ZNF608: variants seen among roughly 807,000 people sequenced by gnomAD.
ZNF608 encodes renal carcinoma antigen NY-REN-36.
Under a neutral mutation model 109.0 loss-of-function variants are expected in ZNF608, and 12 were observed. The observed-to-expected ratio is 0.11, with a 90% CI of 0.07 to 0.18. The LOEUF is 0.18. Among genes scored for constraint, ZNF608 ranks in the 10% least tolerant of loss-of-function variants. The probability of loss-of-function intolerance (pLI) is 1.00; values close to 1 mark genes in which losing one functional copy is unlikely to be tolerated. For missense variants in ZNF608, 1,707 were observed against 1,879.3 expected (o/e 0.91, Z 1.70); for synonymous variants, 732 against 717.4 (o/e 1.02, Z -0.33).
chr5:124,669,333 G>A (rs1751618616), intron 3 of ZNF608, among the ~76,000 whole-genome samples: 1 of 152,090 alleles, frequency 6.6e-6, no homozygotes, highest in African/African-American at 2.4e-5. Context: ...CTGAAAGGTG[G>A]GGGGCTGCAT....
Position 124,745,082 on chromosome 5 carries a change from G to GAA in ZNF608, c.-95_-94dup. 7.0e-7 allele frequency: 1 copy of GAA among 1,428,486 alleles called. No individual in the cohort carries two copies. The highest frequency in any genetic ancestry group is 9.2e-7 in the Non-Finnish European group (1 of 1,090,592). 88.5% of individuals were successfully genotyped at this position (1,428,486 alleles called of 1,614,324 possible). A position where few individuals can be genotyped will look rare whatever the true frequency, so the allele number is the denominator to read the frequency against. ...TATCTCCGCTGGGCTTTCTCTCAAA[G>GAA]AAAAAAAAAATCTTCTAATCTTCCT... On this transcript the variant is annotated 5_prime_UTR_variant, in exon 2 of 10. Coordinates refer to ENST00000513986, the MANE Select transcript of ZNF608 (RefSeq NM_020747.3).
chr5:124,662,814 C>A (rs6898612), intron 3 of ZNF608, among the ~76,000 whole-genome samples: 19,353 of 151,228 alleles, frequency 0.13, 2,216 homozygotes, highest in African/African-American at 0.31. Flanking sequence ...GACACACAGA[C>A]ACACACACAC....
intron 2 of ZNF608, among the ~76,000 whole-genome samples, chr5:124,735,452 C>T (rs907868271): frequency 3.3e-5 from 5 of 152,208 alleles, no homozygotes; most frequent in East Asian, 3.8e-4. Context: ...GCCCAGGGCC[C>T]TCCATCTGCT....
At chr5:124,642,689 TG>T (rs1750297636) in intron 7 of ZNF608, among the ~76,000 whole-genome samples, 1 of 149,620 alleles carries the variant, frequency 6.7e-6, no homozygotes, top group Non-Finnish European at 1.5e-5. Context: ...GATTTTCTAT[TG>T]TCTTTTTTTT....
At chr5:124,649,231 G>A in intron 4 of ZNF608, 98 bp from the exon 5 acceptor site, 1 of 988,532 alleles carries the variant, frequency 1.0e-6, no homozygotes, top group Non-Finnish European at 1.4e-6. Context: ...CAACACTCCA[G>A]TAGCTTCAGG....
Position 124,647,503 on chromosome 5 carries a change from T to C in ZNF608, c.2881A>G (p.Lys961Glu). 6.2e-7 allele frequency: 1 copy of C among 1,614,224 alleles called. No homozygotes were observed. The highest frequency in any genetic ancestry group is 8.5e-7 in the Non-Finnish European group (1 of 1,180,036). ...ATAATATCTGATGGGGAACTGGCCT[T>C]TGATCTCATACCCTCCGACCTGCTG... ...SDSRSEGMRS[K>E]ASSPSDIISS... Residue 961 changes from lysine to glutamate, a missense_variant, in exon 5 of 10, where the codon AAG becomes GAG. Around this residue, in one of 7 missense-constraint regions of ZNF608, gnomAD observed 1,073 missense variants for 1,133.5 expected, o/e 0.95. Coordinates refer to ENST00000513986, the MANE Select transcript of ZNF608 (RefSeq NM_020747.3).
At position 124,660,596 on chromosome 5, in the gene ZNF608, A is replaced by C. The variant is rs555997710; in HGVS notation, c.1163-10899T>G. ...AGCACCTGAAAGCATGTCTCTGGAG[A>C]CAGAGGCAGACTCACCTGTTCACAA... On this transcript the variant is annotated intron_variant, in intron 3 of 9. Coordinates refer to ENST00000513986, the MANE Select transcript of ZNF608 (RefSeq NM_020747.3). Among the ~76,000 whole-genome samples, 16 of 152,338 alleles carry C rather than the reference A, an allele frequency of 1.1e-4. No individual in the cohort carries two copies. The East Asian group carries it at 3.1e-3, about 29-fold the overall frequency.
At chr5:124,732,634 G>C (rs576227361) in intron 2 of ZNF608, among the ~76,000 whole-genome samples, 1 of 151,788 alleles carries the variant, frequency 6.6e-6, no homozygotes, top group Non-Finnish European at 1.5e-5. Context: ...CACTGCTGTT[G>C]CTGGAGAGTC....
chr5:124,652,091 A>G (rs1172439622), intron 3 of ZNF608, among the ~76,000 whole-genome samples: 2 of 152,262 alleles, frequency 1.3e-5, no homozygotes, highest in African/African-American at 4.8e-5. Context: ...TGGAGTCTGA[A>G]AAAAGGAAGG....
chr5:124,726,788 C>T (rs1748627743), intron 2 of ZNF608, among the ~76,000 whole-genome samples: 1 of 152,248 alleles, frequency 6.6e-6, no homozygotes, highest in East Asian at 1.9e-4. Flanking sequence ...CTGGCCTCTG[C>T]CCAACTCCGA....
At chr5:124,670,364 T>TAA (rs1192034542) in intron 3 of ZNF608, among the ~76,000 whole-genome samples, 1 of 151,850 alleles carries the variant, frequency 6.6e-6, no homozygotes, top group Non-Finnish European at 1.5e-5. Flanking sequence ...AAAGGCTCTA[T>TAA]AAGACTGCCC....
At chr5:124,671,809 A>T (rs1032722901) in intron 3 of ZNF608, among the ~76,000 whole-genome samples, 5 of 151,658 alleles carry the variant, frequency 3.3e-5, no homozygotes, top group East Asian at 1.9e-4. Flanking sequence ...CTAATTTTTT[A>T]AATTTTTTGT....
At chr5:124,727,350 C>T (rs1748653396) in intron 2 of ZNF608, among the ~76,000 whole-genome samples, 1 of 152,150 alleles carries the variant, frequency 6.6e-6, no homozygotes. Flanking sequence ...GACTTCTGTC[C>T]TTGGGATTCC....
chr5:124,714,595 A>G (rs767887878), intron 2 of ZNF608, among the ~76,000 whole-genome samples: 4 of 152,226 alleles, frequency 2.6e-5, no homozygotes, highest in African/African-American at 7.2e-5. Flanking sequence ...TTCCTCACCT[A>G]TAAAGTGGAG....
intron 2 of ZNF608, chr5:124,708,608 A>G (rs892825850): frequency 2.4e-6 from 1 of 419,750 alleles, no homozygotes; most frequent in African/African-American, 2.0e-5. Context: ...ACTGAAACCA[A>G]AGCTCAGCTT....
intron 3 of ZNF608, chr5:124,666,410 C>T (rs1751480909): frequency 6.6e-6 from 1 of 152,200 alleles, no homozygotes; most frequent in Non-Finnish European, 1.5e-5. Flanking sequence ...AGGCACTTCC[C>T]TTGTACTAGC....
At chr5:124,644,949 G>A (rs1750430336) in intron 5 of ZNF608, among the ~76,000 whole-genome samples, 1 of 152,146 alleles carries the variant, frequency 6.6e-6, no homozygotes. Context: ...GTGGAGCTGG[G>A]CTTCAAACTC....
chr5:124,647,480 A>T lies in ZNF608; in HGVS notation c.2904T>A (p.Ile968=). The T allele has an allele frequency of 2.5e-6, 4 of 1,614,204 alleles. No individual in the cohort carries two copies. The highest frequency in any genetic ancestry group is 3.4e-6 in the Non-Finnish European group (4 of 1,180,038). ...TTACAACACTGTCCTTACTAGAAAT[A>T]ATATCTGATGGGGAACTGGCCTTTG... ...MRSKASSPSD[I]ISSKDSVVKG... is the part of the protein sequence containing the mutation. Residue 968 remains isoleucine (I), a synonymous_variant, in exon 5 of 10, where the codon ATT becomes ATA. Transcript: ENST00000513986.
At chr5:124,703,406 A>T (rs1260257345) in intron 2 of ZNF608, among the ~76,000 whole-genome samples, 1 of 152,134 alleles carries the variant, frequency 6.6e-6, no homozygotes, top group Non-Finnish European at 1.5e-5. Flanking sequence ...GCCAACTCTG[A>T]TATTAACTAG....
Sources: allele counts gnomAD v4.1 joint callset (sites outside exome capture counted in the v4.1 genomes callset), GRCh38; gene constraint gnomAD v4.1.1; regional missense constraint gnomAD v4.1.1; transcripts MANE v1.5; gene names NCBI Gene and HGNC (gene_info 2026-07-23, HGNC 2026-07-21).